ALG13: variants seen among roughly 807,000 people sequenced by gnomAD.
The protein encoded by ALG13 is UDP-N-acetylglucosamine transferase subunit ALG13.
A neutral mutation model predicts 87.8 loss-of-function variants in ALG13; 11 were observed. The ratio of observed to expected loss-of-function variants is 0.13; its 90% CI spans 0.08 to 0.21. The LOEUF (loss-of-function observed/expected upper bound fraction) is 0.21, where lower values mean the gene tolerates loss of function less well. Ranked by LOEUF, ALG13 falls within the 10% of genes least tolerant of loss-of-function variation. ALG13 has a pLI of 1.00. For missense variants in ALG13, 756 were observed against 866.1 expected, an observed-to-expected ratio of 0.87 and a Z score of 1.60; for synonymous variants, 320 against 306.3, an observed-to-expected ratio of 1.04 and a Z score of -0.47.
intron 17 of ALG13, 69 bp downstream of exon 17, chrX:111,727,514 A>G: frequency 9.1e-7 from 1 of 1,101,609 alleles, no homozygotes; most frequent in Non-Finnish European, 1.2e-6. Context: ...TAATGTTTTA[A>G]AAAGTGTCAA....
intron 24 of ALG13, among the ~76,000 whole-genome samples, chrX:111,748,966 C>A (rs1309652781): frequency 4.5e-5 from 5 of 110,507 alleles, no homozygotes; most frequent in Non-Finnish European, 9.4e-5. Context: ...ACCTGTAATG[C>A]TAGTTACTCG....
At chrX:111,748,432 T>C (rs1944431861) in intron 24 of ALG13, among the ~76,000 whole-genome samples, 1 of 112,361 alleles carries the variant, frequency 8.9e-6, no homozygotes, top group Non-Finnish European at 1.9e-5. Flanking sequence ...CTTTTAGGTC[T>C]GTGATCCATT....
At chrX:111,684,066 C>T (rs1206973780) in intron 2 of ALG13, among the ~76,000 whole-genome samples, 3 of 112,130 alleles carry the variant, frequency 2.7e-5, no homozygotes, top group Non-Finnish European at 3.8e-5. Context: ...GAAAGCAATA[C>T]GCATACACAT....
Position 111,718,049 on chromosome X carries a change from A to G in ALG13, c.1088-63A>G, listed in dbSNP as rs1940886679. ...CCTATTTGCACGCAGGATTATGACT[A>G]TTTTCACATAGTTAATATAAATCTT... On this transcript the variant is annotated intron_variant, in intron 9 of 26. Transcript: ENST00000394780. 8.2e-6 allele frequency: 9 copies of G among 1,102,896 alleles called. No individual in the cohort carries two copies. In the South Asian group the frequency reaches 8.3e-5, roughly 10 times the overall value. 90.9% of individuals were successfully genotyped at this position (1,102,896 alleles called of 1,213,427 possible).
At position 111,713,101 on chromosome X, in the gene ALG13, G is replaced by A. The variant is rs1165212690; in HGVS notation, c.933-124G>A. On this transcript the variant is annotated intron_variant, in intron 7 of 26. Coordinates refer to ENST00000394780, the MANE Select transcript of ALG13 (RefSeq NM_001099922.3). ...TTATTTTAAAGCCAAACATTAAACC[G>A]GATATTTATATTACTTTATATGAAT... 8.1e-5 allele frequency: 36 copies of A among 444,487 alleles called. No homozygotes were observed. In the East Asian group the frequency reaches 1.2e-3, roughly 14 times the overall value. 36.6% of individuals were successfully genotyped at this position (444,487 alleles called of 1,213,427 possible).
chrX:111,726,268 C>T (rs773402091), intron 15 of ALG13, among the ~76,000 whole-genome samples: 2 of 87,111 alleles, frequency 2.3e-5, no homozygotes, highest in South Asian at 7.7e-4. Flanking sequence ...CAGTCTCACT[C>T]TGTCGCCCAG....
At chrX:111,690,411 T>C in intron 3 of ALG13, 8 of 750,887 alleles carry the variant, frequency 1.1e-5, no homozygotes, top group Non-Finnish European at 1.3e-5. Context: ...AAAAGAGATG[T>C]GATGTTTTGG....
rs777311865 is a variant in ALG13, at chrX:111,752,877, A to G, written c.2973+47A>G. On this transcript the variant is annotated intron_variant, in intron 25 of 26. Coordinates refer to ENST00000394780, the MANE Select transcript of ALG13 (RefSeq NM_001099922.3). The stretch of plus-strand genomic sequence containing the variant: ...CTTTGATAAGCCCTATTTTCAAAGT[A>G]TAGACCGTTTTGATAATCAGACTCT... 4 of 1,016,426 alleles carry G rather than the reference A, an allele frequency of 3.9e-6. No homozygotes were observed. In the Admixed American group the frequency reaches 1.0e-4, roughly 27 times the overall value. The allele number at this position is 1,016,426 out of a possible 1,213,427, so 83.8% of individuals were successfully genotyped here. A position where few individuals can be genotyped will look rare whatever the true frequency, so the allele number is the denominator to read the frequency against.
chrX:111,720,415 A>T (rs900635320), intron 11 of ALG13, among the ~76,000 whole-genome samples: 3 of 112,167 alleles, frequency 2.7e-5, no homozygotes, highest in Non-Finnish European at 5.6e-5. Context: ...TTCAAGAGCA[A>T]TATGTTTTTA....
chrX:111,720,019 T>C (rs1451471745), intron 10 of ALG13, 76 bp from the exon 11 acceptor site: 1 of 631,096 alleles, frequency 1.6e-6, no homozygotes, highest in Non-Finnish European at 2.4e-6. Flanking sequence ...CACTAGGTGG[T>C]GGTGTAGTCA....
intron 23 of ALG13, among the ~76,000 whole-genome samples, chrX:111,742,960 A>G (rs1338014411): frequency 8.9e-6 from 1 of 112,262 alleles, no homozygotes; most frequent in African/African-American, 3.2e-5. Flanking sequence ...AAGTCTGAGG[A>G]TGAGAAGCTC....
At chrX:111,689,849 T>G in intron 3 of ALG13, 1 of 753,784 alleles carries the variant, frequency 1.3e-6, no homozygotes, top group Non-Finnish European at 1.6e-6. Context: ...TCGAATTCCT[T>G]GCAAGGTAGG....
At chrX:111,690,024 T>C in intron 3 of ALG13, 4 of 747,907 alleles carry the variant, frequency 5.3e-6, no homozygotes, top group Non-Finnish European at 6.3e-6. Flanking sequence ...TTGAATAAAT[T>C]AAGACTTTAA....
intron 5 of ALG13, 83 bp from the exon 6 acceptor site, chrX:111,711,592 C>T (rs1602657477): frequency 1.8e-5 from 16 of 900,027 alleles, no homozygotes; most frequent in East Asian, 3.2e-5. Context: ...GAGCAAAAAA[C>T]GCATTGCAGG....
At position 111,727,075 on chromosome X, in the gene ALG13, G is replaced by A. The variant is rs1556507692; in HGVS notation, c.1976+20G>A. On this transcript the variant is annotated intron_variant, in intron 16 of 26. Transcript: ENST00000394780. ...GCCCAGGTAAGACATTGACAGATTT[G>A]TATTTTCATGGTCTAGGGAAATATG... is the stretch of plus-strand genomic sequence containing the variant. 2 of 1,208,744 alleles carry A rather than the reference G, an allele frequency of 1.7e-6. No individual in the cohort carries two copies. Among genetic ancestry groups the A allele is most frequent in the Non-Finnish European group, 2.2e-6 (2 of 893,249 alleles).
At chrX:111,728,625 T>C (rs1479829435) in intron 19 of ALG13, among the ~76,000 whole-genome samples, 1 of 111,551 alleles carries the variant, frequency 9.0e-6, no homozygotes, top group African/African-American at 3.3e-5. Flanking sequence ...GCACTATTGA[T>C]AGTTGTCCTC....
chrX:111,752,077 CAGTG>C (rs1268668936), intron 24 of ALG13, among the ~76,000 whole-genome samples: 8 of 111,652 alleles, frequency 7.2e-5, no homozygotes, highest in East Asian at 2.8e-4. Flanking sequence ...TAATCTCTGT[CAGTG>C]AGTATTAGTC....
rs760709469 is a variant in ALG13 at position 111,717,887 on chromosome X, G to T, written c.1047G>T (p.Val349=). Reference sequence around the variant, plus strand: ...CAAGTAGTGGTCACTATGATTCTGTGTACTCAAAACAATTTCAGTCAAGTG... The same window carrying T: ...CAAGTAGTGGTCACTATGATTCTGTTTACTCAAAACAATTTCAGTCAAGTG... ...CYSSSGHYDS[V]YSKQFQSSAA... The change falls in exon 9 of 27, where the codon GTG becomes GTT. Residue 349 remains valine, a synonymous_variant. Coordinates refer to ENST00000394780, the MANE Select transcript of ALG13 (RefSeq NM_001099922.3). The T allele has an allele frequency of 8.3e-7, 1 of 1,205,067 alleles. No homozygotes were observed. The highest frequency in any genetic ancestry group is 1.1e-6 in the Non-Finnish European group (1 of 892,593).
At chrX:111,682,094 A>G in intron 1 of ALG13, 38 bp from the exon 2 acceptor site, 1 of 1,126,098 alleles carries the variant, frequency 8.9e-7, no homozygotes, top group Non-Finnish European at 1.2e-6. Flanking sequence ...TTACATAGCC[A>G]GTTTAAAAGG....
Sources: gnomAD v4.1 joint callset for allele counts (sites outside exome capture counted in the v4.1 genomes callset) on GRCh38, gnomAD v4.1.1 for gene constraint, MANE v1.5 for transcripts, NCBI Gene and HGNC (gene_info 2026-07-23, HGNC 2026-07-21) for gene names.